The following CD8A variants were observed in gnomAD, a reference collection of about 807,000 sequenced individuals.
CD8A encodes T-cell surface glycoprotein CD8 alpha chain.
CD8A carries 25 observed loss-of-function variants against 24.2 expected under a neutral mutation model. The ratio of observed to expected loss-of-function variants is 1.03; its 90% CI spans 0.75 to 1.44. CD8A has a LOEUF of 1.44. Ranked by LOEUF, CD8A falls within the 40% of genes most tolerant of loss-of-function variation. CD8A has a pLI of 0.00. For synonymous variants in CD8A, 165 were observed against 149.9 expected (o/e 1.10, Z -0.74); for missense variants, 360 against 319.7 (o/e 1.13, Z -0.96).
chr2:86,787,041 G>A (rs1011931975), intron 5 of CD8A, among the ~76,000 whole-genome samples: 1,502 of 49,220 alleles, frequency 0.031, 5 homozygotes, highest in Middle Eastern at 0.083. Flanking sequence ...AAAAAAAAAA[G>A]AAAAGAAAAG....
At position 86,785,506 on chromosome 2, in the gene CD8A, A is replaced by G. The variant is rs1381541267; in HGVS notation, c.*414T>C. 4 of 462,768 alleles carry G rather than the reference A, an allele frequency of 8.6e-6. No individual in the cohort carries two copies. Among genetic ancestry groups the G allele is most frequent in the South Asian group, 4.6e-5 (3 of 64,550 alleles). 28.7% of individuals were successfully genotyped at this position (462,768 alleles called of 1,614,324 possible). A position where few individuals can be genotyped will look rare whatever the true frequency, so the allele number is the denominator to read the frequency against. ...CTGAGCTGGGAGACAAGGTCCCTCC[A>G]GCTACTGCTCCAACCCTGACTTGCT... is the stretch of plus-strand genomic sequence containing the variant. On this transcript the variant is annotated 3_prime_UTR_variant, in exon 6 of 6. Transcript: ENST00000283635.
chr2:86,790,314 C>A lies in CD8A; in HGVS notation c.403+14G>T. 6.3e-7 allele frequency: 1 copy of A among 1,599,528 alleles called. No homozygotes were observed. Among genetic ancestry groups the A allele is most frequent in the South Asian group, 1.1e-5 (1 of 90,686 alleles). On this transcript the variant is annotated intron_variant, in intron 2 of 5. Coordinates refer to ENST00000283635, the MANE Select transcript of CD8A (RefSeq NM_001768.7). ...AGCCCCACGCGGAGAGGTGCCGCAA[C>A]CCGGCGCGCGGACCTGGCAGGAAGA...
Position 86,789,713 on chromosome 2 carries a change from T to C in CD8A, c.441A>G (p.Thr147=). ...PTTTPAPRPP[T]PAPTIASQPL... ...GCTGCGACGCGATGGTGGGCGCCGG[T>C]GTTGGTGGTCGCGGCGCTGGCGTCG... is the stretch of plus-strand genomic sequence containing the variant. Residue 147 remains threonine, a synonymous_variant, in exon 3 of 6, where the codon ACA becomes ACG. Coordinates refer to ENST00000283635, the MANE Select transcript of CD8A (RefSeq NM_001768.7). 7.2e-7 allele frequency: 1 copy of C among 1,383,146 alleles called. No homozygotes were observed. Among genetic ancestry groups the C allele is most frequent in the Non-Finnish European group, 9.3e-7 (1 of 1,076,426 alleles). The allele number at this position is 1,383,146 out of a possible 1,614,324, so 85.7% of individuals were successfully genotyped here.
chr2:86,795,127 C>T (rs1673439604), upstream of CD8A, among the ~76,000 whole-genome samples: 1 of 152,198 alleles, frequency 6.6e-6, no homozygotes, highest in Admixed American at 6.5e-5. Flanking sequence ...GCTTGACAAC[C>T]AAACCCTTGG....
chr2:86,804,492 G>A (rs184732409), intron 2 of CD8A, among the ~76,000 whole-genome samples: 2 of 152,198 alleles, frequency 1.3e-5, no homozygotes, highest in Admixed American at 1.3e-4. Flanking sequence ...AAGAGTTAGA[G>A]AGAAGGATGG....
chr2:86,798,377 G>T (rs982580082), intron 3 of CD8A, among the ~76,000 whole-genome samples: 20 of 151,822 alleles, frequency 1.3e-4, no homozygotes, highest in Admixed American at 2.6e-4. Context: ...GTTTCTCCAT[G>T]TTGGTCAGGC....
In CD8A at chr2:86,789,342, G is replaced by GT; in HGVS notation, c.605_606insA (p.Thr203HisfsTer46). On this transcript the variant is annotated frameshift_variant, in exon 4 of 6. Transcript: ENST00000283635. LOFTEE classifies it low-confidence loss of function (END_TRUNC). ...ACTTACTGTGGTTGCAGTAAAGGGT[G>GT]ATAACCAGTGACAGGAGAAGGACCC... 1 of 1,610,066 alleles carries GT rather than the reference G, an allele frequency of 6.2e-7. No individual in the cohort carries two copies.
At chr2:86,803,474 C>T (rs1331067105) in intron 2 of CD8A, among the ~76,000 whole-genome samples, 2 of 152,204 alleles carry the variant, frequency 1.3e-5, no homozygotes, top group Non-Finnish European at 2.9e-5. Flanking sequence ...CTAGACGGGC[C>T]TGGAGGACAT....
chr2:86,802,184 C>A (rs770334707), intron 2 of CD8A, among the ~76,000 whole-genome samples: 59 of 151,976 alleles, frequency 3.9e-4, no homozygotes, highest in Middle Eastern at 3.2e-3. Context: ...ATTACAGGCA[C>A]CCGCCATCAT....
intron 3 of CD8A, among the ~76,000 whole-genome samples, chr2:86,797,373 G>A (rs1287341844): frequency 6.6e-6 from 1 of 152,200 alleles, no homozygotes; most frequent in East Asian, 1.9e-4. Context: ...GGTAGTGCAG[G>A]AAATTCAGAA....
Position 86,790,576 on chromosome 2 carries a change from G to T in CD8A, c.155C>A (p.Ser52Ter), listed in dbSNP as rs200195023. ...KCQVLLSNPT[S>*]GCSWLFQPRG... ...CGGCTGGAAGAGCCACGAGCAGCCC[G>T]ACGTCGGGTTGGACAGCAGCACCTG... is the stretch of plus-strand genomic sequence containing the variant. Residue 52 changes from serine (S) to a stop codon, truncating the protein, a stop_gained, in exon 2 of 6, where the codon TCG becomes TAG. Transcript: ENST00000283635. LOFTEE classifies it high-confidence loss of function. 1.2e-6 allele frequency: 2 copies of T among 1,612,746 alleles called. No homozygotes were observed. Among genetic ancestry groups the T allele is most frequent in the Non-Finnish European group, 8.5e-7 (1 of 1,179,908 alleles).
intron 4 of CD8A, 86 bp downstream of exon 4, chr2:86,789,237 C>G (rs1438534805): frequency 1.1e-6 from 1 of 888,544 alleles, no homozygotes; most frequent in Admixed American, 1.7e-5. Flanking sequence ...CCCCAAGCTC[C>G]CCCCTCGCAA....
Position 86,790,202 on chromosome 2 carries a change from T to A in CD8A, c.403+126A>T, listed in dbSNP as rs1047930617. On this transcript the variant is annotated intron_variant, in intron 2 of 5. Coordinates refer to ENST00000283635, the MANE Select transcript of CD8A (RefSeq NM_001768.7). ...GCCTCAGTTTGCTGTGTCTGTGAAA[T>A]GGGAACAGTATCTAAGTCGCTTCCA... The A allele has an allele frequency of 3.8e-5, 29 of 753,306 alleles. No individual in the cohort carries two copies. In the African/African-American group the frequency reaches 4.8e-4, roughly 13 times the overall value. The allele number at this position is 753,306 out of a possible 1,614,324, so 46.7% of individuals were successfully genotyped here.
In CD8A at chr2:86,796,009, A is replaced by C. The variant is rs115159555; in HGVS notation, c.-270-4914T>G. ...AATGTTTAAAACAAAGAGAACAACA[A>C]ATGTAGAAAATGCAGAAATTAAAGA... On this transcript the variant is annotated intron_variant, in intron 3 of 8. Transcript: ENST00000409511. 6.5e-3 allele frequency among the ~76,000 whole-genome samples: 988 copies of C among 152,336 alleles called. 13 individuals are homozygous for C. Among genetic ancestry groups the C allele is most frequent in the African/African-American group, 0.022 (926 of 41,564 alleles).
chr2:86,805,151 T>C (rs62146077), intron 2 of CD8A, among the ~76,000 whole-genome samples: 2 of 152,054 alleles, frequency 1.3e-5, no homozygotes, highest in Non-Finnish European at 2.9e-5. Flanking sequence ...TTTCATACTT[T>C]GGGGTGATAC....
intron 3 of CD8A, among the ~76,000 whole-genome samples, chr2:86,796,139 A>G (rs1673475967): frequency 6.6e-6 from 1 of 152,246 alleles, no homozygotes; most frequent in Non-Finnish European, 1.5e-5. Flanking sequence ...ATAATTAATG[A>G]ATTGGAAGCT....
At chr2:86,789,146 G>A (rs117709107) in intron 4 of CD8A, among the ~76,000 whole-genome samples, 177 bp downstream of exon 4, 1 of 152,292 alleles carries the variant, frequency 6.6e-6, no homozygotes, top group East Asian at 1.9e-4. Context: ...CGCAAGGAGC[G>A]GGAAGGGCTT....
chr2:86,789,799 G>GCGCCC, intron 2 of CD8A, 49 bp from the exon 3 acceptor site: 2 of 1,099,470 alleles, frequency 1.8e-6, no homozygotes, highest in African/African-American at 1.7e-5. Context: ...GGTTATGGAG[G>GCGCCC]CGCCCCAGCC....
intron 2 of CD8A, among the ~76,000 whole-genome samples, chr2:86,804,830 T>C (rs1254912098): frequency 2.3e-5 from 3 of 131,460 alleles, no homozygotes; most frequent in African/African-American, 8.9e-5. Context: ...TGAGACAGAG[T>C]CTCGCTCTGT....
Sources: allele counts gnomAD v4.1 joint callset (sites outside exome capture counted in the v4.1 genomes callset), GRCh38; gene constraint gnomAD v4.1.1; transcripts MANE v1.5; gene names NCBI Gene and HGNC (gene_info 2026-07-23, HGNC 2026-07-21).